Variants in FBXL17 observed in about 807,000 individuals in gnomAD.
FBXL17 encodes the protein F-box/LRR-repeat protein 17.
In FBXL17, 22 loss-of-function variants were observed where a neutral mutation model predicts 66.2. That is an observed-to-expected ratio of 0.33 (90% confidence interval 0.24 to 0.47). The LOEUF (loss-of-function observed/expected upper bound fraction) is 0.47, where lower values mean the gene tolerates loss of function less well. FBXL17 is among the 20% of genes least tolerant of loss of function. FBXL17 has a pLI of 1.00. For missense variants in FBXL17, 878 were observed against 948.2 expected (o/e 0.93, Z 0.97); for synonymous variants, 474 against 400.5 (o/e 1.18, Z -2.19).
At chr5:108,315,523 T>G (rs973653448) in intron 4 of FBXL17, among the ~76,000 whole-genome samples, 5 of 151,328 alleles carry the variant, frequency 3.3e-5, no homozygotes, top group African/African-American at 1.2e-4. Context: ...GCTTTATAAT[T>G]TTAACCCAAT....
At chr5:108,025,690 C>CAT (rs1561373708) in intron 6 of FBXL17, among the ~76,000 whole-genome samples, 1 of 139,062 alleles carries the variant, frequency 7.2e-6, no homozygotes, top group African/African-American at 3.1e-5. Flanking sequence ...TACACACACA[C>CAT]ACACACACAC....
Position 108,140,029 on chromosome 5 carries a change from T to A in FBXL17, c.1745+46088A>T, listed in dbSNP as rs184609077. On this transcript the variant is annotated intron_variant, in intron 6 of 8. Coordinates refer to ENST00000542267, the MANE Select transcript of FBXL17 (RefSeq NM_001163315.3). ...ACTCCTCAGTGTATTATAATCTGGG[T>A]TTAGTCCCCCACCCTATCATTTTTT... 6.3e-3 allele frequency among the ~76,000 whole-genome samples: 953 copies of A among 152,196 alleles called. 12 individuals are homozygous for A. Among genetic ancestry groups the A allele is most frequent in the African/African-American group, 0.022 (893 of 41,524 alleles).
intron 7 of FBXL17, among the ~76,000 whole-genome samples, chr5:107,939,952 T>A (rs1164325032): frequency 6.6e-6 from 1 of 152,106 alleles, no homozygotes; most frequent in Non-Finnish European, 1.5e-5. Flanking sequence ...TCCATCCAGA[T>A]GAAAATCAAT....
intron 6 of FBXL17, among the ~76,000 whole-genome samples, chr5:108,165,135 TG>T (rs1752367830): frequency 6.6e-6 from 1 of 152,222 alleles, no homozygotes; most frequent in Admixed American, 6.5e-5. Context: ...ATAGTCAGAA[TG>T]TCTATTAATA....
chr5:107,875,766 G>A (rs1748600082), intron 8 of FBXL17, among the ~76,000 whole-genome samples: 1 of 152,212 alleles, frequency 6.6e-6, no homozygotes, highest in African/African-American at 2.4e-5. Flanking sequence ...AATTGGGGCA[G>A]GTAAGGAGAA....
chr5:108,296,581 T>A (rs1478484559), intron 4 of FBXL17, among the ~76,000 whole-genome samples: 2 of 151,980 alleles, frequency 1.3e-5, no homozygotes, highest in African/African-American at 2.4e-5. Context: ...AAGACTTTGA[T>A]GCAGCTGTAG....
chr5:107,940,997 A>G (rs1166396563), intron 7 of FBXL17, among the ~76,000 whole-genome samples: 1 of 152,162 alleles, frequency 6.6e-6, no homozygotes, highest in Non-Finnish European at 1.5e-5. Flanking sequence ...TTATGGGGGA[A>G]GAAAGTGCTT....
intron 6 of FBXL17, among the ~76,000 whole-genome samples, chr5:108,098,187 C>T (rs1178104878): frequency 6.6e-6 from 1 of 152,114 alleles, no homozygotes; most frequent in Non-Finnish European, 1.5e-5. Flanking sequence ...TCTGGGCTAT[C>T]ATATACTGCA....
At chr5:108,291,257 T>C (rs1211695889) in intron 4 of FBXL17, among the ~76,000 whole-genome samples, 1 of 152,190 alleles carries the variant, frequency 6.6e-6, no homozygotes, top group Non-Finnish European at 1.5e-5. Flanking sequence ...AGAGAAACAC[T>C]GATACATGCA....
At chr5:108,347,188 T>C (rs1747336945) in intron 4 of FBXL17, among the ~76,000 whole-genome samples, 1 of 152,182 alleles carries the variant, frequency 6.6e-6, no homozygotes. Context: ...CCATATGGTA[T>C]AGCTTTTATT....
intron 4 of FBXL17, among the ~76,000 whole-genome samples, chr5:108,342,386 G>A (rs1355203823): frequency 1.3e-5 from 2 of 152,072 alleles, no homozygotes; most frequent in African/African-American, 4.8e-5. Flanking sequence ...AATTTTCCTA[G>A]AAAAATTTTT....
At chr5:107,961,381 G>T (rs2416521) in intron 7 of FBXL17, among the ~76,000 whole-genome samples, 16 of 151,734 alleles carry the variant, frequency 1.1e-4, no homozygotes, top group African/African-American at 1.5e-4. Context: ...CATAACACCA[G>T]GCCTGGCTAA....
At chr5:108,299,102 G>T in intron 4 of FBXL17, 2 of 976,816 alleles carry the variant, frequency 2.0e-6, no homozygotes, top group East Asian at 1.1e-4. Context: ...AAAACAGTCT[G>T]ATTTATAACA....
chr5:108,141,481 G>C (rs553338019), intron 6 of FBXL17, among the ~76,000 whole-genome samples: 2 of 152,242 alleles, frequency 1.3e-5, no homozygotes, highest in African/African-American at 4.8e-5. Context: ...TGTAACCCCA[G>C]AGTCTCAAAC....
chr5:108,370,896 A>C (rs1388139332), intron 1 of FBXL17, among the ~76,000 whole-genome samples: 2 of 152,206 alleles, frequency 1.3e-5, no homozygotes, highest in Non-Finnish European at 2.9e-5. Flanking sequence ...AACTCTAAAA[A>C]GTTAGTAACA....
intron 4 of FBXL17, among the ~76,000 whole-genome samples, chr5:108,332,559 C>T (rs1460604900): frequency 6.6e-6 from 1 of 152,042 alleles, no homozygotes; most frequent in Non-Finnish European, 1.5e-5. Context: ...ATATTGGTTT[C>T]AAGTTACTGT....
chr5:108,250,582 T>G (rs1006525447), intron 4 of FBXL17, among the ~76,000 whole-genome samples: 1 of 152,004 alleles, frequency 6.6e-6, no homozygotes, highest in African/African-American at 2.4e-5. Context: ...GGAATAAGAG[T>G]AGAGGATGAA....
At chr5:108,059,788 C>G (rs1747849798) in intron 6 of FBXL17, among the ~76,000 whole-genome samples, 1 of 152,058 alleles carries the variant, frequency 6.6e-6, no homozygotes, top group Non-Finnish European at 1.5e-5. Flanking sequence ...AATTTTACAA[C>G]TACTGTATTA....
intron 3 of FBXL17, among the ~76,000 whole-genome samples, chr5:108,351,719 C>CA (rs1484298635): frequency 6.6e-6 from 1 of 152,204 alleles, no homozygotes; most frequent in African/African-American, 2.4e-5. Context: ...TCATACTTAT[C>CA]AATTTGATAA....
Sources: allele counts gnomAD v4.1 joint callset (sites outside exome capture counted in the v4.1 genomes callset), GRCh38; gene constraint gnomAD v4.1.1; transcripts MANE v1.5; gene names NCBI Gene and HGNC (gene_info 2026-07-23, HGNC 2026-07-21).